CDH12: variants seen among roughly 807,000 people sequenced by gnomAD.
CDH12 encodes cadherin 12, also known as cadherin-12.
CDH12 carries 41 observed loss-of-function variants against 74.1 expected under a neutral mutation model. The observed-to-expected ratio is 0.55, with a 90% confidence interval of 0.43 to 0.72. The LOEUF (loss-of-function observed/expected upper bound fraction) is 0.72, where lower values mean the gene tolerates loss of function less well. Among genes scored for constraint, CDH12 ranks in the 30% least tolerant of loss-of-function variants. CDH12 has a pLI of 0.00. For missense variants in CDH12, 945 were observed against 977.2 expected (o/e 0.97, Z 0.44); for synonymous variants, 399 against 355.0 (o/e 1.12, Z -1.39).
intron 2 of CDH12, among the ~76,000 whole-genome samples, chr5:22,407,103 C>T (rs1286771015): frequency 6.6e-6 from 1 of 151,986 alleles, no homozygotes; most frequent in Admixed American, 6.6e-5. Context: ...ATCTGAATCT[C>T]TAAGTAAAAT....
chr5:22,689,882 T>C (rs1374946347), intron 1 of CDH12, among the ~76,000 whole-genome samples: 1 of 152,086 alleles, frequency 6.6e-6, no homozygotes, highest in Non-Finnish European at 1.5e-5. Context: ...TAATAAAATT[T>C]ATTTTGTGAA....
At chr5:22,664,318 G>A (rs948901659) in intron 1 of CDH12, among the ~76,000 whole-genome samples, 5 of 152,178 alleles carry the variant, frequency 3.3e-5, no homozygotes, top group Non-Finnish European at 5.9e-5. Context: ...CATGGCTGGG[G>A]ATACCTCAGG....
rs766005547 is a variant in CDH12 at position 21,751,651 on chromosome 5, T to TGTGTGTGA, written c.*85_*86insTCACACAC. 142 of 959,146 alleles carry TGTGTGTGA rather than the reference T, an allele frequency of 1.5e-4. No individual in the cohort carries two copies. Among genetic ancestry groups the TGTGTGTGA allele is most frequent in the African/African-American group, 4.0e-4 (24 of 59,586 alleles). 59.4% of individuals were successfully genotyped at this position (959,146 alleles called of 1,614,324 possible). ...GTGTGTTTGTGTGTGTGTGTGTGTG[T>TGTGTGTGA]GAGAGAGATTTCTATTAATATTTGT... On this transcript the variant is annotated 3_prime_UTR_variant, in exon 15 of 15. Coordinates refer to ENST00000382254, the MANE Select transcript of CDH12 (RefSeq NM_004061.5).
chr5:22,448,178 T>A (rs1377146911), intron 2 of CDH12, among the ~76,000 whole-genome samples: 1 of 150,930 alleles, frequency 6.6e-6, no homozygotes, highest in Non-Finnish European at 1.5e-5. Context: ...AAAAATTATA[T>A]GTGTGTGTGT....
intron 1 of CDH12, among the ~76,000 whole-genome samples, chr5:22,518,961 T>A (rs1414067051): frequency 6.6e-6 from 1 of 152,144 alleles, no homozygotes; most frequent in Non-Finnish European, 1.5e-5. Context: ...ACATGAGAAC[T>A]GGACACCCCT....
intron 6 of CDH12, among the ~76,000 whole-genome samples, chr5:21,941,199 T>G (rs968825366): frequency 2.0e-5 from 3 of 152,162 alleles, no homozygotes; most frequent in African/African-American, 4.8e-5. Context: ...AAATTTGACA[T>G]TGGCTGACTC....
chr5:22,389,214 G>T (rs1742126844), intron 3 of CDH12, among the ~76,000 whole-genome samples: 1 of 152,118 alleles, frequency 6.6e-6, no homozygotes, highest in South Asian at 2.1e-4. Flanking sequence ...ATGAGCTTTT[G>T]GGGTGGACTT....
intron 4 of CDH12, among the ~76,000 whole-genome samples, chr5:22,124,440 A>G (rs960641927): frequency 2.6e-5 from 4 of 151,948 alleles, no homozygotes; most frequent in African/African-American, 9.7e-5. Flanking sequence ...ATTTTTTTCA[A>G]AACCAGCTTA....
intron 6 of CDH12, among the ~76,000 whole-genome samples, chr5:21,920,144 A>G (rs1754283814): frequency 6.6e-6 from 1 of 152,228 alleles, no homozygotes; most frequent in Admixed American, 6.5e-5. Context: ...TCGTTGCTAC[A>G]ACAAATATTT....
intron 4 of CDH12, among the ~76,000 whole-genome samples, chr5:22,200,537 C>T (rs1221167145): frequency 2.0e-5 from 3 of 152,106 alleles, no homozygotes; most frequent in Non-Finnish European, 4.4e-5. Context: ...CATTAAAGTA[C>T]AAGATATCTA....
intron 3 of CDH12, among the ~76,000 whole-genome samples, chr5:22,346,450 C>T (rs534566908): frequency 2.0e-5 from 3 of 152,248 alleles, no homozygotes; most frequent in African/African-American, 7.2e-5. Context: ...ACAAACAAAT[C>T]ACATCATTGT....
At chr5:22,119,299 T>C (rs1236316253) in intron 4 of CDH12, among the ~76,000 whole-genome samples, 4 of 149,920 alleles carry the variant, frequency 2.7e-5, no homozygotes, top group Non-Finnish European at 5.9e-5. Flanking sequence ...TTTTTTTTTT[T>C]TTTTTTTCTG....
At chr5:21,912,645 T>C (rs1009832029) in intron 6 of CDH12, among the ~76,000 whole-genome samples, 22 of 152,232 alleles carry the variant, frequency 1.4e-4, no homozygotes, top group Non-Finnish European at 2.4e-4. Context: ...GTTGTTAACT[T>C]TGACTAGACA....
intron 1 of CDH12, among the ~76,000 whole-genome samples, chr5:22,615,995 A>G (rs752328784): frequency 2.6e-5 from 4 of 152,146 alleles, no homozygotes; most frequent in Admixed American, 6.6e-5. Flanking sequence ...AGAAAGATAG[A>G]TCTGCTTCTC....
chr5:22,706,260 C>T lies in CDH12; in HGVS notation c.-523+146798G>A, dbSNP rs560842967. On this transcript the variant is annotated intron_variant, in intron 1 of 14. Coordinates refer to ENST00000382254, the MANE Select transcript of CDH12 (RefSeq NM_004061.5). ...TGTAGATAGAGTGTAATCTTAAATG[C>T]TTCTGTTTATAACTTACAATTATTC... 9.9e-5 allele frequency among the ~76,000 whole-genome samples: 15 copies of T among 152,078 alleles called. No homozygotes were observed. The South Asian group carries it at 2.1e-3, about 21-fold the overall frequency.
At chr5:21,774,908 A>C (rs548759095) in intron 11 of CDH12, among the ~76,000 whole-genome samples, 1 of 152,324 alleles carries the variant, frequency 6.6e-6, no homozygotes, top group South Asian at 2.1e-4. Context: ...GTTTACTAAA[A>C]TTTGAGAATG....
chr5:22,538,274 G>A lies in CDH12; in HGVS notation c.-522-32910C>T, dbSNP rs561560609. On this transcript the variant is annotated intron_variant, in intron 1 of 14. Transcript: ENST00000382254. ...TTTTTCAGCCAATCTACTCCCTCTG[G>A]TCTCACATCATATCACCTCCCTATC... is the stretch of plus-strand genomic sequence containing the variant. Among the ~76,000 whole-genome samples, 5 of 151,980 alleles carry A rather than the reference G, an allele frequency of 3.3e-5. No individual in the cohort carries two copies. In the South Asian group the frequency reaches 6.2e-4, roughly 19 times the overall value.
rs189041896 is a variant in CDH12 at position 22,368,797 on chromosome 5, G to A, written c.-333+36460C>T. 4.6e-4 allele frequency among the ~76,000 whole-genome samples: 60 copies of A among 131,076 alleles called. 1 individual carries two copies. The highest frequency in any genetic ancestry group is 6.7e-4 in the African/African-American group (27 of 40,426). 86.0% of individuals were successfully genotyped at this position (131,076 alleles called of 152,430 possible). ...GTAAGAGGTTGACCTCAAAAGTGCC[G>A]GGTCTTAGGGTGTGAGCTACCATGC... On this transcript the variant is annotated intron_variant, in intron 3 of 14. Coordinates refer to ENST00000382254, the MANE Select transcript of CDH12 (RefSeq NM_004061.5).
intron 5 of CDH12, among the ~76,000 whole-genome samples, chr5:22,046,170 T>C (rs1336979955): frequency 1.3e-5 from 2 of 152,154 alleles, no homozygotes; most frequent in African/African-American, 2.4e-5. Flanking sequence ...GAATTGATAA[T>C]ATAACAAATA....
Sources: allele counts gnomAD v4.1 joint callset (sites outside exome capture counted in the v4.1 genomes callset), GRCh38; gene constraint gnomAD v4.1.1; transcripts MANE v1.5; gene names NCBI Gene and HGNC (gene_info 2026-07-23, HGNC 2026-07-21).